PIK3C2G: variants seen among roughly 807,000 people sequenced by gnomAD.
PIK3C2G encodes phosphatidylinositol-4-phosphate 3-kinase catalytic subunit type 2 gamma, also known as phosphatidylinositol 3-kinase C2 domain-containing subunit gamma.
A neutral mutation model predicts 181.1 loss-of-function variants in PIK3C2G; 168 were observed. That is an observed-to-expected ratio of 0.93 (90% CI 0.82 to 1.05). The LOEUF (loss-of-function observed/expected upper bound fraction) is 1.05, where lower values mean the gene tolerates loss of function less well. Among genes scored for constraint, PIK3C2G ranks in the 50% least tolerant of loss-of-function variants. The pLI, the probability that PIK3C2G is intolerant of heterozygous loss-of-function variation, is 0.00. For synonymous variants in PIK3C2G, 573 were observed against 592.2 expected (o/e 0.97, Z 0.47); for missense variants, 1,869 against 1,732.8 (o/e 1.08, Z -1.40).
upstream of PIK3C2G, among the ~76,000 whole-genome samples, chr12:18,261,136 C>A (rs547778294): frequency 8.5e-5 from 13 of 152,252 alleles, no homozygotes; most frequent in Middle Eastern, 3.4e-3. Flanking sequence ...CTCACCTCTG[C>A]TCCTGCAAAT....
intron 29 of PIK3C2G, among the ~76,000 whole-genome samples, chr12:18,587,633 C>A (rs965812894): frequency 6.6e-6 from 1 of 151,928 alleles, no homozygotes; most frequent in African/African-American, 2.4e-5. Flanking sequence ...CTGCTCAAAA[C>A]AATTTACAGA....
At chr12:18,593,666 T>C (rs1409644025) in intron 29 of PIK3C2G, among the ~76,000 whole-genome samples, 2 of 151,834 alleles carry the variant, frequency 1.3e-5, no homozygotes, top group African/African-American at 4.8e-5. Context: ...TCCAACAAAA[T>C]GTATGCCAGT....
At chr12:18,714,153 A>T in the PIK3C2G span, among the ~76,000 whole-genome samples, 2 of 152,222 alleles carry the variant, frequency 1.3e-5, no homozygotes, top group Non-Finnish European at 2.9e-5. Context: ...AAATTTATTG[A>T]TTTATGTATA....
At chr12:18,569,343 T>G (rs1477917236) in intron 29 of PIK3C2G, among the ~76,000 whole-genome samples, 1 of 151,772 alleles carries the variant, frequency 6.6e-6, no homozygotes, top group Non-Finnish European at 1.5e-5. Flanking sequence ...TGATCACAGT[T>G]TCATCAGAGA....
At chr12:18,250,233 G>A (rs748726529) in intron 1 of PIK3C2G, among the ~76,000 whole-genome samples, 4 of 151,904 alleles carry the variant, frequency 2.6e-5, no homozygotes, top group Admixed American at 6.6e-5. Context: ...ACATATTATG[G>A]AAGCAGGACA....
intron 9 of PIK3C2G, among the ~76,000 whole-genome samples, chr12:18,340,347 C>T (rs1939014156): frequency 6.6e-6 from 1 of 152,112 alleles, no homozygotes; most frequent in African/African-American, 2.4e-5. Context: ...TTGTGTTGGG[C>T]CACATTCAAT....
At chr12:18,679,283 TTC>T in the PIK3C2G span, among the ~76,000 whole-genome samples, 185 of 152,164 alleles carry the variant, frequency 1.2e-3, 1 homozygote, top group African/African-American at 4.2e-3. Context: ...AAGGCAGAAG[TTC>T]TTTTTAAAAA....
At chr12:18,669,258 C>T in the PIK3C2G span, among the ~76,000 whole-genome samples, 1 of 152,178 alleles carries the variant, frequency 6.6e-6, no homozygotes, top group African/African-American at 2.4e-5. Context: ...GGCAATCAAG[C>T]ATCAGAATCC....
In PIK3C2G at chr12:18,383,235, T is replaced by C. The variant is rs1202566014; in HGVS notation, c.1995+1355T>C. ...ATTCATGTTTTACATATGACTACTA[T>C]GCTCCAAACATTATGGTAAACACTC... is the stretch of plus-strand genomic sequence containing the variant. On this transcript the variant is annotated intron_variant, in intron 14 of 32. Transcript: ENST00000538779. 2.0e-5 allele frequency among the ~76,000 whole-genome samples: 3 copies of C among 152,326 alleles called. 1 individual carries two copies. In the South Asian group the frequency reaches 6.2e-4, roughly 32 times the overall value.
chr12:18,363,150 A>G (rs1004357354), intron 12 of PIK3C2G: 1 of 267,508 alleles, frequency 3.7e-6, no homozygotes, highest in Non-Finnish European at 7.0e-6. Context: ...AAGACTTATT[A>G]ATCATTCACA....
intron 18 of PIK3C2G, among the ~76,000 whole-genome samples, chr12:18,458,560 C>T (rs1174055906): frequency 6.6e-6 from 1 of 152,000 alleles, no homozygotes; most frequent in Non-Finnish European, 1.5e-5. Context: ...ATCCCCTGCC[C>T]TACAATGTGG....
intron 20 of PIK3C2G, among the ~76,000 whole-genome samples, chr12:18,491,797 A>G (rs111543133): frequency 5.7e-5 from 8 of 140,170 alleles, no homozygotes; most frequent in African/African-American, 1.6e-4. Flanking sequence ...CAGTTCAGTG[A>G]AAAAAAAAAA....
intron 19 of PIK3C2G, among the ~76,000 whole-genome samples, chr12:18,490,242 C>T (rs140370867): frequency 4.7e-4 from 71 of 152,250 alleles, no homozygotes; most frequent in African/African-American, 1.6e-3. Flanking sequence ...CAACTTTTCT[C>T]TCTACACTTT....
At chr12:18,685,553 G>T in the PIK3C2G span, 3 of 444,680 alleles carry the variant, frequency 6.7e-6, no homozygotes, top group African/African-American at 6.0e-5. Flanking sequence ...GTTCACCTGT[G>T]GTCACAAGAG....
intron 31 of PIK3C2G, among the ~76,000 whole-genome samples, chr12:18,630,517 C>T (rs1306622226): frequency 6.6e-6 from 1 of 152,124 alleles, no homozygotes; most frequent in Admixed American, 6.5e-5. Context: ...AAAGAAGGGT[C>T]TAGGATGGGG....
rs1229602523 is a variant in PIK3C2G, at chr12:18,598,185, T to C, written c.4087+3616T>C. 5.5e-3 allele frequency among the ~76,000 whole-genome samples: 832 copies of C among 150,132 alleles called. 8 individuals are homozygous for C. The highest frequency in any genetic ancestry group is 0.019 in the African/African-American group (766 of 39,600). ...TATGGAACCAAAAAAGAGCCCGCGT[T>C]GCCAAGTCAATCCTAAGCCAAAAGA... On this transcript the variant is annotated intron_variant, in intron 30 of 32. Transcript: ENST00000538779.
At chr12:18,303,243 CCTTCCTTCCTT>C (rs1414646765) in intron 5 of PIK3C2G, among the ~76,000 whole-genome samples, 7 of 147,746 alleles carry the variant, frequency 4.7e-5, no homozygotes, top group Admixed American at 3.4e-4. Context: ...CTTTCTCTCT[CCTTCCTTCCTT>C]CTTCCTTCCT....
intron 5 of PIK3C2G, among the ~76,000 whole-genome samples, chr12:18,301,955 T>C (rs943621583): frequency 2.6e-5 from 4 of 152,222 alleles, no homozygotes; most frequent in African/African-American, 9.6e-5. Flanking sequence ...TGATTTCTTG[T>C]GATTCCTTTA....
At chr12:18,702,788 A>G in the PIK3C2G span, among the ~76,000 whole-genome samples, 1 of 151,070 alleles carries the variant, frequency 6.6e-6, no homozygotes. Context: ...TCTTTTACAC[A>G]CAAGGACTGA....
Sources: gnomAD v4.1 joint callset for allele counts (sites outside exome capture counted in the v4.1 genomes callset) on GRCh38, gnomAD v4.1.1 for gene constraint, MANE v1.5 for transcripts, NCBI Gene and HGNC (gene_info 2026-07-23, HGNC 2026-07-21) for gene names.